Variants in SEMA6D observed in about 807,000 individuals in gnomAD.
SEMA6D encodes semaphorin-6D.
SEMA6D carries 35 observed loss-of-function variants against 106.6 expected under a neutral mutation model. The observed-to-expected ratio is 0.33, with a 90% CI of 0.25 to 0.44. SEMA6D has a LOEUF of 0.44. Among genes scored for constraint, SEMA6D ranks in the 20% least tolerant of loss-of-function variants. The probability of loss-of-function intolerance (pLI) is 1.00; values close to 1 mark genes in which losing one functional copy is unlikely to be tolerated. For synonymous variants in SEMA6D, 499 were observed against 487.7 expected (o/e 1.02, Z -0.31); for missense variants, 1,185 against 1,345.9 (o/e 0.88, Z 1.87).
rs767188226 is a variant in SEMA6D at position 47,763,872 on chromosome 15, G to A, written c.770G>A (p.Arg257His). Residue 257 changes from arginine to histidine, a missense_variant, in exon 10 of 19, where the codon CGC (arginine) becomes CAC (histidine). Arg to His is a conservative substitution (Grantham distance 29). This residue lies in a region of SEMA6D where 291 missense variants were observed against 423.8 expected (regional missense o/e 0.69). Coordinates refer to ENST00000536845, the MANE Select transcript of SEMA6D (RefSeq NM_001358351.3). ...CAGGCTGTGTATTCCCGCGTGGCCC[G>A]CATATGTAAAAACGACATGGGTGGT... ...LGKAVYSRVA[R>H]ICKNDMGGSQ... The A allele has an allele frequency of 1.6e-5, 26 of 1,613,178 alleles. No homozygotes were observed. The highest frequency in any genetic ancestry group is 4.4e-5 in the South Asian group (4 of 91,046).
Position 47,763,951 on chromosome 15 carries a change from C to T in SEMA6D, c.849C>T (p.Asn283=), listed in dbSNP as rs376927078. The T allele has an allele frequency of 3.3e-5, 54 of 1,613,886 alleles. No individual in the cohort carries two copies. The highest frequency in any genetic ancestry group is 7.6e-6 in the Non-Finnish European group (9 of 1,179,902). The part of the protein sequence containing the change: ...HWTSFLKARL[N]CSVPGDSFFY... Reference sequence around the variant, plus strand: ...CTTCATTTCTAAAGGCTCGGCTGAACTGTTCTGTCCCTGGAGATTCGTTTT... The same window carrying T: ...CTTCATTTCTAAAGGCTCGGCTGAATTGTTCTGTCCCTGGAGATTCGTTTT... Residue 283 remains asparagine, a synonymous_variant, in exon 10 of 19, where the codon AAC becomes AAT. Coordinates refer to ENST00000536845, the MANE Select transcript of SEMA6D (RefSeq NM_001358351.3).
intron 1 of SEMA6D, among the ~76,000 whole-genome samples, chr15:47,287,315 T>G (rs563967680): frequency 1.3e-5 from 2 of 152,320 alleles, no homozygotes; most frequent in Non-Finnish European, 2.9e-5. Context: ...AGTGGCTGAT[T>G]AGTTACTGCA....
At chr15:47,495,839 A>G (rs958632739) in intron 3 of SEMA6D, among the ~76,000 whole-genome samples, 119 of 152,202 alleles carry the variant, frequency 7.8e-4, no homozygotes, top group Non-Finnish European at 1.3e-3. Flanking sequence ...ATTCTCATAA[A>G]TTTCCAGAGT....
intron 3 of SEMA6D, among the ~76,000 whole-genome samples, chr15:47,519,285 C>A: frequency 6.6e-6 from 1 of 152,120 alleles, no homozygotes; most frequent in East Asian, 1.9e-4. Flanking sequence ...CTGGCATCAC[C>A]ACAAACATGT....
In SEMA6D at chr15:47,491,932, CT is replaced by C. The variant is rs554579046; in HGVS notation, c.-87+21388del. On this transcript the variant is annotated intron_variant, in intron 3 of 19. Transcript: ENST00000558014. Reference sequence around the variant, plus strand: ...AATAAACTCACAAATTTGGCTTCTACTCCTTTCTATTGTAGCTAGTTATTAG... The same window carrying C: ...AATAAACTCACAAATTTGGCTTCTACCCTTTCTATTGTAGCTAGTTATTAG... 5.1e-4 allele frequency among the ~76,000 whole-genome samples: 77 copies of C among 152,270 alleles called. 1 individual carries two copies. In the South Asian group the frequency reaches 0.015, roughly 29 times the overall value.
chr15:47,222,999 T>C (rs2031335792), intron 1 of SEMA6D, among the ~76,000 whole-genome samples: 1 of 152,162 alleles, frequency 6.6e-6, no homozygotes, highest in African/African-American at 2.4e-5. Flanking sequence ...ATTTTATTCA[T>C]CATTAGACCC....
intron 3 of SEMA6D, among the ~76,000 whole-genome samples, chr15:47,516,429 A>AT (rs1282257373): frequency 3.3e-5 from 5 of 152,172 alleles, no homozygotes; most frequent in Non-Finnish European, 7.4e-5. Context: ...TTACTTTTCA[A>AT]TGCTATTGAT....
At chr15:47,299,135 G>C (rs2035921228) in intron 1 of SEMA6D, among the ~76,000 whole-genome samples, 1 of 152,148 alleles carries the variant, frequency 6.6e-6, no homozygotes, top group South Asian at 2.1e-4. Context: ...TGGGCATCAG[G>C]TGAACATATG....
At position 47,209,279 on chromosome 15, in the gene SEMA6D, C is replaced by T. The variant is rs185277720; in HGVS notation, c.-239+24861C>T. Among the ~76,000 whole-genome samples the T allele has an allele frequency of 2.1e-3, 321 of 152,170 alleles. 1 individual carries two copies. Among genetic ancestry groups the T allele is most frequent in the African/African-American group, 7.2e-3 (298 of 41,512 alleles). ...TTTTATCTACTTAGAATCTGCAACACGTGAATGTACACTGAATTACCAATA... is the reference window on the plus strand; with the variant it reads ...TTTTATCTACTTAGAATCTGCAACATGTGAATGTACACTGAATTACCAATA... On this transcript the variant is annotated intron_variant, in intron 1 of 19. Coordinates refer to the SEMA6D transcript ENST00000558014.
chr15:47,697,534 T>C (rs1320755883), intron 4 of SEMA6D, among the ~76,000 whole-genome samples: 1 of 152,194 alleles, frequency 6.6e-6, no homozygotes, highest in Non-Finnish European at 1.5e-5. Context: ...AATTCCAAGA[T>C]TCATCCTATT....
At chr15:47,256,015 G>A (rs545725826) in intron 1 of SEMA6D, among the ~76,000 whole-genome samples, 94 of 152,152 alleles carry the variant, frequency 6.2e-4, no homozygotes, top group African/African-American at 2.2e-3. Context: ...TTTTTGTGTA[G>A]GTCTATTTCT....
At chr15:47,431,586 G>T (rs992417562) in intron 2 of SEMA6D, among the ~76,000 whole-genome samples, 3 of 152,106 alleles carry the variant, frequency 2.0e-5, no homozygotes, top group Non-Finnish European at 2.9e-5. Flanking sequence ...CTGGAGATAG[G>T]GTTGACTGGC....
intron 1 of SEMA6D, among the ~76,000 whole-genome samples, chr15:47,407,409 C>CAAAAAAAAAAAAAAAAAAAAA (rs1323921492): frequency 8.4e-6 from 1 of 118,866 alleles, no homozygotes; most frequent in Non-Finnish European, 1.7e-5. Flanking sequence ...ACAACAACAA[C>CAAAAAAAAAAAAAAAAAAAAA]AAAAAAAACA....
At chr15:47,507,485 A>G (rs563887724) in intron 3 of SEMA6D, among the ~76,000 whole-genome samples, 1 of 152,248 alleles carries the variant, frequency 6.6e-6, no homozygotes, top group African/African-American at 2.4e-5. Flanking sequence ...AAGGCAGTGC[A>G]TTGAAACCAG....
chr15:47,593,515 T>A (rs2076480276), intron 3 of SEMA6D, among the ~76,000 whole-genome samples: 1 of 151,406 alleles, frequency 6.6e-6, no homozygotes, highest in South Asian at 2.1e-4. Flanking sequence ...GTTTGGACGA[T>A]TGCCTGAAAA....
chr15:47,599,711 C>G (rs953041355), intron 3 of SEMA6D, among the ~76,000 whole-genome samples: 6 of 151,650 alleles, frequency 4.0e-5, no homozygotes, highest in Non-Finnish European at 2.9e-5. Flanking sequence ...TCTCTGTATT[C>G]TTGAATGTGG....
intron 4 of SEMA6D, among the ~76,000 whole-genome samples, chr15:47,655,677 A>T (rs1169022536): frequency 6.6e-6 from 1 of 152,224 alleles, no homozygotes; most frequent in Non-Finnish European, 1.5e-5. Flanking sequence ...CTTACAAATT[A>T]TTAATGTGTT....
chr15:47,450,441 G>A (rs912400422), intron 2 of SEMA6D, among the ~76,000 whole-genome samples: 3 of 152,058 alleles, frequency 2.0e-5, no homozygotes, highest in African/African-American at 7.2e-5. Flanking sequence ...CCAGTCAACT[G>A]GTCACTAAAG....
At chr15:47,517,428 CCTCT>C (rs1267748800) in intron 3 of SEMA6D, among the ~76,000 whole-genome samples, 1 of 151,918 alleles carries the variant, frequency 6.6e-6, no homozygotes, top group African/African-American at 2.4e-5. Flanking sequence ...CCTATTTGCT[CCTCT>C]CTATGCGTTC....
Sources: gnomAD v4.1 joint callset for allele counts (sites outside exome capture counted in the v4.1 genomes callset) on GRCh38, gnomAD v4.1.1 for gene constraint, gnomAD v4.1.1 regional missense constraint, MANE v1.5 for transcripts, NCBI Gene and HGNC (gene_info 2026-07-23, HGNC 2026-07-21) for gene names.